Variants in COQ7 observed in about 807,000 individuals in gnomAD.
COQ7 encodes NADPH-dependent 3-demethoxyubiquinone 3-hydroxylase, mitochondrial.
In COQ7, 21 loss-of-function variants were observed where a neutral mutation model predicts 25.0. The observed-to-expected ratio is 0.84, with a 90% CI of 0.60 to 1.21. The LOEUF (loss-of-function observed/expected upper bound fraction) is 1.21, where lower values mean the gene tolerates loss of function less well. COQ7 is among the 50% of genes most tolerant of loss of function. COQ7 has a pLI of 0.00. For missense variants in COQ7, 311 were observed against 296.2 expected, an observed-to-expected ratio of 1.05 and a Z score of -0.37; for synonymous variants, 125 against 112.4, an observed-to-expected ratio of 1.11 and a Z score of -0.71.
Position 19,079,183 on chromosome 16 carries a change from G to C in COQ7, c.*1025G>C, listed in dbSNP as rs576180149. Reference sequence around the variant, plus strand: ...CTCTGAGGAAGCAGACCCTTCACAAGCAAAATCAGCCAGCACTTTGATCAC... The same window carrying C: ...CTCTGAGGAAGCAGACCCTTCACAACCAAAATCAGCCAGCACTTTGATCAC... On this transcript the variant is annotated 3_prime_UTR_variant, in exon 6 of 6. Transcript: ENST00000321998. The C allele has an allele frequency of 7.9e-5, 12 of 152,382 alleles. No individual in the cohort carries two copies. The East Asian group carries it at 2.3e-3, about 29-fold the overall frequency. 9.4% of individuals were successfully genotyped at this position (152,382 alleles called of 1,614,324 possible).
intron 3 of COQ7, among the ~76,000 whole-genome samples, chr16:19,074,671 C>G (rs11643792): frequency 0.49 from 75,156 of 151,932 alleles, 21,164 homozygotes; most frequent in East Asian, 0.75. Context: ...AGCCTCTGAG[C>G]CTGAGTATCT....
rs774161284 is a variant in COQ7 at position 19,078,200 on chromosome 16, T to A, written c.*42T>A. ...CCTGTCTATAAAAGATGATAGTAAT[T>A]TACCAAGTGACATTTGCAGAGAAAC... On this transcript the variant is annotated 3_prime_UTR_variant, in exon 6 of 6. Transcript: ENST00000321998. 8.0e-6 allele frequency: 12 copies of A among 1,491,650 alleles called. No individual in the cohort carries two copies. The East Asian group carries it at 2.5e-4, about 32-fold the overall frequency. 92.4% of individuals were successfully genotyped at this position (1,491,650 alleles called of 1,614,324 possible). A position where few individuals can be genotyped will look rare whatever the true frequency, so the allele number is the denominator to read the frequency against.
At chr16:19,073,308 C>CAAAAAAACAA (rs1555522099) in intron 2 of COQ7, among the ~76,000 whole-genome samples, 1,756 of 139,080 alleles carry the variant, frequency 0.013, 35 homozygotes, top group African/African-American at 0.044. Context: ...GACTCCGTCT[C>CAAAAAAACAA]AAAAAAACAA....
At position 19,079,248 on chromosome 16, in the gene COQ7, G is replaced by C. The variant is rs146504690; in HGVS notation, c.*1090G>C. 6.6e-6 allele frequency: 1 copy of C among 152,282 alleles called. No homozygotes were observed. The highest frequency in any genetic ancestry group is 2.4e-5 in the African/African-American group (1 of 41,556). The allele number at this position is 152,282 out of a possible 1,614,324, so 9.4% of individuals were successfully genotyped here. A position where few individuals can be genotyped will look rare whatever the true frequency, so the allele number is the denominator to read the frequency against. ...CTAGGACTGTGAGCAATAAATGTTT[G>C]ATGTTTATAAGCCACCCAGACTGTG... is the stretch of plus-strand genomic sequence containing the variant. On this transcript the variant is annotated 3_prime_UTR_variant, in exon 6 of 6. Coordinates refer to ENST00000321998, the MANE Select transcript of COQ7 (RefSeq NM_016138.5).
At chr16:19,070,320 A>G (rs939454054) in intron 1 of COQ7, among the ~76,000 whole-genome samples, 2 of 152,246 alleles carry the variant, frequency 1.3e-5, no homozygotes, top group Non-Finnish European at 2.9e-5. Context: ...AGAACCACAT[A>G]TGTATCTAAA....
chr16:19,069,601 G>C (rs1171064398), intron 1 of COQ7, among the ~76,000 whole-genome samples: 1 of 151,836 alleles, frequency 6.6e-6, no homozygotes, highest in Non-Finnish European at 1.5e-5. Flanking sequence ...GGTAGAGACG[G>C]GGTTTCGCCA....
downstream of COQ7, among the ~76,000 whole-genome samples, chr16:19,082,560 T>C (rs8059923): frequency 0.33 from 49,688 of 151,586 alleles, 8,353 homozygotes; most frequent in African/African-American, 0.37. Flanking sequence ...CTGAGGCAGG[T>C]GCATCACGAG....
chr16:19,081,502 G>C (rs1289246799), downstream of COQ7, among the ~76,000 whole-genome samples: 2 of 152,134 alleles, frequency 1.3e-5, no homozygotes, highest in East Asian at 3.8e-4. Context: ...GGAGCCCCAA[G>C]TTATCTTGGG....
intron 2 of COQ7, 74 bp downstream of exon 2, chr16:19,072,180 T>C (rs1234851655): frequency 3.2e-6 from 5 of 1,573,352 alleles, no homozygotes; most frequent in Non-Finnish European, 3.5e-6. Context: ...TAATGAATCA[T>C]GGGAGGTCAA....
chr16:19,070,248 C>G (rs941510796), intron 1 of COQ7, among the ~76,000 whole-genome samples: 2 of 152,158 alleles, frequency 1.3e-5, no homozygotes, highest in Non-Finnish European at 2.9e-5. Flanking sequence ...TCAGAGCCAC[C>G]CCAAATTTCA....
chr16:19,081,161 G>A (rs1963091930), downstream of COQ7, among the ~76,000 whole-genome samples: 1 of 152,190 alleles, frequency 6.6e-6, no homozygotes, highest in Admixed American at 6.5e-5. Flanking sequence ...TAACAATTGA[G>A]TAAGGTATAC....
Position 19,067,722 on chromosome 16 carries a change from C to G in COQ7, c.58C>G (p.Arg20Gly). 2 of 1,605,416 alleles carry G rather than the reference C, an allele frequency of 1.2e-6. No homozygotes were observed. Among genetic ancestry groups the G allele is most frequent in the African/African-American group, 2.7e-5 (2 of 74,640 alleles). ...CCTTTGGCGGCTGCGCCCGGGGGCC[C>G]GGCGGTCCCTCTCAGGTAAAAGGAG... Reference protein sequence around the residue: ...PRLWRLRPGARRSLSAYGRRT... With the variant: ...PRLWRLRPGAGRSLSAYGRRT... The change falls in exon 1 of 6, where the codon CGG (arginine) becomes GGG (glycine). Residue 20 changes from arginine (R) to glycine (G), a missense_variant. Arg to Gly is a moderately radical substitution (Grantham distance 125). Transcript: ENST00000321998.
rs780110291 is a variant in COQ7 at position 19,073,966 on chromosome 16, T to C, written c.298T>C (p.Leu100=). The C allele has an allele frequency of 6.2e-7, 1 of 1,613,744 alleles. No homozygotes were observed. The highest frequency in any genetic ancestry group is 8.5e-7 in the Non-Finnish European group (1 of 1,179,924). The change falls in exon 3 of 6, where the codon TTG becomes CTG. Residue 100 remains leucine (L), a synonymous_variant. Coordinates refer to ENST00000321998, the MANE Select transcript of COQ7 (RefSeq NM_016138.5). ...GGACCATTTGAAAAAGTTCAATGAG[T>C]TGATGGTTACGTTCAGGGTCCGGCC... ...EKDHLKKFNE[L]MVTFRVRPTV...
chr16:19,067,777 G>T, intron 1 of COQ7, 40 bp downstream of exon 1: 1 of 1,576,846 alleles, frequency 6.3e-7, no homozygotes, highest in South Asian at 1.1e-5. Context: ...CGCCGGTCTA[G>T]CGAGCTAGGG....
chr16:19,080,079 C>T lies in COQ7; in HGVS notation c.*1921C>T, dbSNP rs962847010. ...TAAATTGAACCTTGAAATAAAAGCA[C>T]AACAAGGTTTTCTTAAGGTACTGAT... On this transcript the variant is annotated 3_prime_UTR_variant, in exon 6 of 6. Coordinates refer to ENST00000321998, the MANE Select transcript of COQ7 (RefSeq NM_016138.5). 2.0e-5 allele frequency: 3 copies of T among 152,168 alleles called. No individual in the cohort carries two copies. Among genetic ancestry groups the T allele is most frequent in the African/African-American group, 7.2e-5 (3 of 41,442 alleles). The allele number at this position is 152,168 out of a possible 1,614,324, so 9.4% of individuals were successfully genotyped here.
At position 19,077,307 on chromosome 16, in the gene COQ7, T is replaced by C; in HGVS notation, c.509T>C (p.Leu170Pro). ...TTTGGTGTCTTTTTATTTAACCAGC[T>C]GATAAAGAAATTTCGGGATGAAGAG... Reference protein sequence around the residue: ...DPEKYEELLQLIKKFRDEELE... With the variant: ...DPEKYEELLQPIKKFRDEELE... The change falls in exon 5 of 6, where the codon CTG becomes CCG. Residue 170 changes from leucine to proline, a missense_variant and splice_region_variant. Transcript: ENST00000321998. 1.2e-6 allele frequency: 2 copies of C among 1,614,014 alleles called. No homozygotes were observed. The highest frequency in any genetic ancestry group is 1.7e-6 in the Non-Finnish European group (2 of 1,179,904).
intron 5 of COQ7, 31 bp downstream of exon 5, chr16:19,077,405 G>C (rs1253389983): frequency 6.3e-7 from 1 of 1,593,104 alleles, no homozygotes; most frequent in Non-Finnish European, 8.6e-7. Context: ...GTTCTGCTTT[G>C]GGACTCCTTA....
rs1035368530 is a variant in COQ7, at chr16:19,078,973, C to T, written c.*815C>T. 6.6e-6 allele frequency: 1 copy of T among 152,072 alleles called. No homozygotes were observed. The highest frequency in any genetic ancestry group is 6.6e-5 in the Admixed American group (1 of 15,258). The allele number at this position is 152,072 out of a possible 1,614,324, so 9.4% of individuals were successfully genotyped here. A position where few individuals can be genotyped will look rare whatever the true frequency, so the allele number is the denominator to read the frequency against. The stretch of plus-strand genomic sequence containing the variant: ...TGGGAGAGTGCTACAGTCTGTATGT[C>T]TGTGTCTCCCTAGAATTCATACGAT... On this transcript the variant is annotated 3_prime_UTR_variant, in exon 6 of 6. Coordinates refer to ENST00000321998, the MANE Select transcript of COQ7 (RefSeq NM_016138.5).
chr16:19,080,410 C>T (rs1159586111), downstream of COQ7, among the ~76,000 whole-genome samples: 1 of 152,104 alleles, frequency 6.6e-6, no homozygotes, highest in African/African-American at 2.4e-5. Flanking sequence ...AGGTTTTGTG[C>T]TTTTTAAAAA....
Sources: gnomAD v4.1 joint callset for allele counts (sites outside exome capture counted in the v4.1 genomes callset) on GRCh38, gnomAD v4.1.1 for gene constraint, MANE v1.5 for transcripts, NCBI Gene and HGNC (gene_info 2026-07-23, HGNC 2026-07-21) for gene names.